The following LRRTM4 variants were observed in gnomAD, a reference collection of about 807,000 sequenced individuals.
The protein encoded by LRRTM4 is leucine-rich repeat transmembrane neuronal protein 4.
LRRTM4 carries 25 observed loss-of-function variants against 47.6 expected under a neutral mutation model. The ratio of observed to expected loss-of-function variants is 0.53; its 90% CI spans 0.38 to 0.73. The LOEUF (loss-of-function observed/expected upper bound fraction) is 0.73, where lower values mean the gene tolerates loss of function less well. Among genes scored for constraint, LRRTM4 ranks in the 30% least tolerant of loss-of-function variants. LRRTM4 has a pLI of 0.00. For missense variants in LRRTM4, 638 were observed against 713.4 expected (o/e 0.89, Z 1.20); for synonymous variants, 311 against 269.5 (o/e 1.15, Z -1.51).
intron 3 of LRRTM4, among the ~76,000 whole-genome samples, chr2:76,955,656 A>C (rs1377862122): frequency 6.6e-6 from 1 of 151,738 alleles, no homozygotes; most frequent in Non-Finnish European, 1.5e-5. Context: ...GAGTGTAATT[A>C]GGTCATGAGG....
intron 3 of LRRTM4, among the ~76,000 whole-genome samples, chr2:76,829,221 G>A (rs1267334030): frequency 6.6e-6 from 1 of 151,916 alleles, no homozygotes; most frequent in Non-Finnish European, 1.5e-5. Flanking sequence ...CTGTTGGCTG[G>A]GTAATGAGAT....
At chr2:76,992,521 T>C (rs1677045099) in intron 3 of LRRTM4, among the ~76,000 whole-genome samples, 1 of 151,050 alleles carries the variant, frequency 6.6e-6, no homozygotes. Context: ...AGAACATTTT[T>C]CAACAGCCAC....
chr2:77,356,670 GT>G (rs2104306183), intron 3 of LRRTM4, among the ~76,000 whole-genome samples: 1 of 152,276 alleles, frequency 6.6e-6, no homozygotes, highest in African/African-American at 2.4e-5. Context: ...ACATAAATGT[GT>G]ATAATGACTA....
chr2:77,002,918 T>G (rs945725216), intron 3 of LRRTM4, among the ~76,000 whole-genome samples: 1 of 152,154 alleles, frequency 6.6e-6, no homozygotes, highest in Admixed American at 6.6e-5. Flanking sequence ...ATTCTATTCA[T>G]TTTTACTTGT....
At chr2:77,456,518 TTCTCTCCAACATGCTCATTC>T (rs956230314) in intron 3 of LRRTM4, among the ~76,000 whole-genome samples, 23 of 152,094 alleles carry the variant, frequency 1.5e-4, no homozygotes, top group African/African-American at 5.3e-4. Context: ...TTTATCCTTA[TTCTCTCCAACATGCTCATTC>T]TCTCTCCAAC....
At chr2:76,889,646 C>T (rs1291365798) in intron 3 of LRRTM4, among the ~76,000 whole-genome samples, 1 of 151,912 alleles carries the variant, frequency 6.6e-6, no homozygotes, top group Non-Finnish European at 1.5e-5. Context: ...AACTGATGAT[C>T]CAATTAGCAA....
chr2:77,044,317 A>T (rs1272442581), intron 3 of LRRTM4, among the ~76,000 whole-genome samples: 1 of 151,806 alleles, frequency 6.6e-6, no homozygotes, highest in Non-Finnish European at 1.5e-5. Context: ...ACTAAAGATT[A>T]TCTGTCAAAT....
intron 3 of LRRTM4, among the ~76,000 whole-genome samples, chr2:76,977,008 G>GCTAA (rs112425568): frequency 0.44 from 66,113 of 150,976 alleles, 18,097 homozygotes; most frequent in African/African-American, 0.78. Context: ...GCATTAATAG[G>GCTAA]CTGTGTGTGT....
At chr2:77,460,803 C>T (rs1573446014) in intron 3 of LRRTM4, among the ~76,000 whole-genome samples, 2 of 148,900 alleles carry the variant, frequency 1.3e-5, no homozygotes, top group African/African-American at 4.9e-5. Context: ...TATAAAAGCC[C>T]CATAAAAAGT....
At chr2:77,479,249 C>T (rs1004446381) in intron 3 of LRRTM4, among the ~76,000 whole-genome samples, 1 of 151,960 alleles carries the variant, frequency 6.6e-6, no homozygotes, top group African/African-American at 2.4e-5. Flanking sequence ...AATTTAGTTT[C>T]TTTCTTGACC....
chr2:76,967,979 A>C (rs1676084451), intron 3 of LRRTM4, among the ~76,000 whole-genome samples: 1 of 151,576 alleles, frequency 6.6e-6, no homozygotes, highest in South Asian at 2.1e-4. Flanking sequence ...GCAAATATAA[A>C]GACAAATGAA....
chr2:77,090,384 G>A (rs556900396), intron 3 of LRRTM4, among the ~76,000 whole-genome samples: 3 of 152,130 alleles, frequency 2.0e-5, no homozygotes, highest in East Asian at 3.9e-4. Flanking sequence ...AAGGTCAAAA[G>A]GTCGTCTTAT....
At chr2:76,803,448 C>T (rs1277244008) in intron 3 of LRRTM4, among the ~76,000 whole-genome samples, 1 of 152,028 alleles carries the variant, frequency 6.6e-6, no homozygotes, top group African/African-American at 2.4e-5. Context: ...CAAAAAAGTA[C>T]ATTTTGGCGA....
chr2:77,210,100 T>C (rs1215865698), intron 3 of LRRTM4, among the ~76,000 whole-genome samples: 1 of 152,194 alleles, frequency 6.6e-6, no homozygotes, highest in African/African-American at 2.4e-5. Flanking sequence ...ACAGAAATAA[T>C]TAATAATGTT....
At chr2:77,171,000 TG>T (rs980210594) in intron 3 of LRRTM4, among the ~76,000 whole-genome samples, 1 of 151,172 alleles carries the variant, frequency 6.6e-6, no homozygotes, top group Non-Finnish European at 1.5e-5. Flanking sequence ...GCTTTATATA[TG>T]TATATATATT....
At chr2:76,837,815 T>C (rs992585826) in intron 3 of LRRTM4, among the ~76,000 whole-genome samples, 6 of 152,002 alleles carry the variant, frequency 3.9e-5, no homozygotes, top group Admixed American at 2.0e-4. Context: ...AAATCATCAT[T>C]CTCAGTAAAC....
At chr2:77,172,395 G>C (rs1181448682) in intron 3 of LRRTM4, among the ~76,000 whole-genome samples, 1 of 152,082 alleles carries the variant, frequency 6.6e-6, no homozygotes, top group East Asian at 1.9e-4. Context: ...AGGAGTTCGA[G>C]ACTAGCCTGG....
At chr2:76,964,570 G>A (rs886775938) in intron 3 of LRRTM4, among the ~76,000 whole-genome samples, 3 of 150,646 alleles carry the variant, frequency 2.0e-5, no homozygotes, top group Admixed American at 1.3e-4. Context: ...CAAATTGTTT[G>A]ACATATTGAA....
intron 3 of LRRTM4, among the ~76,000 whole-genome samples, chr2:77,061,846 C>G (rs1420151291): frequency 6.6e-6 from 1 of 152,128 alleles, no homozygotes; most frequent in Non-Finnish European, 1.5e-5. Context: ...GCTGGATTAT[C>G]ATCACTGCCT....
Sources: gnomAD v4.1 joint callset for allele counts (sites outside exome capture counted in the v4.1 genomes callset) on GRCh38, gnomAD v4.1.1 for gene constraint, MANE v1.5 for transcripts, NCBI Gene and HGNC (gene_info 2026-07-23, HGNC 2026-07-21) for gene names.